The following RARB variants were observed in gnomAD, a reference collection of about 807,000 sequenced individuals.
RARB encodes retinoic acid receptor beta.
A neutral mutation model predicts 51.9 loss-of-function variants in RARB; 17 were observed. The observed-to-expected ratio is 0.33, with a 90% CI of 0.22 to 0.49. The LOEUF is 0.49. RARB is among the 20% of genes least tolerant of loss of function. RARB has a pLI of 0.99. For missense variants in RARB, 369 were observed against 550.8 expected, an observed-to-expected ratio of 0.67 and a Z score of 3.30; for synonymous variants, 215 against 195.4, an observed-to-expected ratio of 1.10 and a Z score of -0.84.
chr3:25,312,278 A>T (rs1704309272), intron 5 of RARB, among the ~76,000 whole-genome samples: 1 of 152,230 alleles, frequency 6.6e-6, no homozygotes, highest in African/African-American at 2.4e-5. Context: ...GTAGATTTTG[A>T]TAGCTTTCAA....
intron 5 of RARB, among the ~76,000 whole-genome samples, chr3:25,273,693 T>G (rs1361530284): frequency 4.6e-5 from 7 of 152,256 alleles, no homozygotes; most frequent in African/African-American, 1.7e-4. Context: ...AAACTGCTTA[T>G]GGTTTCATAT....
At chr3:24,911,747 G>A (rs1234351995) in intron 2 of RARB, among the ~76,000 whole-genome samples, 2 of 152,158 alleles carry the variant, frequency 1.3e-5, no homozygotes, top group Non-Finnish European at 2.9e-5. Context: ...GAGGCCAGGA[G>A]TTCAAGATCA....
intron 5 of RARB, among the ~76,000 whole-genome samples, chr3:25,378,184 G>T (rs12628995): frequency 7.2e-5 from 11 of 151,978 alleles, no homozygotes; most frequent in South Asian, 2.1e-4. Flanking sequence ...CACAAGACTC[G>T]GGCATGCATG....
chr3:24,876,555 G>A (rs1448272004), intron 2 of RARB, among the ~76,000 whole-genome samples: 1 of 152,010 alleles, frequency 6.6e-6, no homozygotes, highest in Non-Finnish European at 1.5e-5. Flanking sequence ...GAACATATTA[G>A]CATTTAATAT....
chr3:25,284,721 T>C (rs2125417773), intron 5 of RARB, among the ~76,000 whole-genome samples: 1 of 152,300 alleles, frequency 6.6e-6, no homozygotes, highest in African/African-American at 2.4e-5. Context: ...ACAATTGCAG[T>C]TGACTTTTTA....
At chr3:25,568,853 C>T (rs184467717) in intron 3 of RARB, among the ~76,000 whole-genome samples, 2 of 152,322 alleles carry the variant, frequency 1.3e-5, no homozygotes, top group East Asian at 3.9e-4. Flanking sequence ...TGTCTGCCTC[C>T]CTGGGTTTCA....
At chr3:25,350,106 C>T (rs1705515130) in intron 5 of RARB, among the ~76,000 whole-genome samples, 2 of 152,120 alleles carry the variant, frequency 1.3e-5, no homozygotes, top group Non-Finnish European at 2.9e-5. Context: ...ACCAGACTTT[C>T]TGTAGGCTTA....
At chr3:25,215,312 T>A (rs925371109) in intron 5 of RARB, among the ~76,000 whole-genome samples, 2 of 152,216 alleles carry the variant, frequency 1.3e-5, no homozygotes, top group Non-Finnish European at 2.9e-5. Flanking sequence ...GACTTTTTTT[T>A]AAGAAAGCAT....
At position 24,874,525 on chromosome 3, in the gene RARB, G is replaced by A. The variant is rs77116935; in HGVS notation, c.-380+15773G>A. ...ACGTACAGCTTGTTTTATCTTCCTG[G>A]TGAAGTAACTCTCAACATGTTGCTG... On this transcript the variant is annotated intron_variant, in intron 2 of 11. Coordinates refer to the RARB transcript ENST00000383772. Among the ~76,000 whole-genome samples the A allele has an allele frequency of 9.4e-3, 1,435 of 152,032 alleles. 82 individuals are homozygous for A. In the East Asian group the frequency reaches 0.16, roughly 17 times the overall value.
At chr3:25,582,758 T>C (rs1389349657) in intron 5 of RARB, among the ~76,000 whole-genome samples, 1 of 152,136 alleles carries the variant, frequency 6.6e-6, no homozygotes, top group Non-Finnish European at 1.5e-5. Flanking sequence ...CATTAGCCAT[T>C]AGCCCCTTGG....
intron 2 of RARB, among the ~76,000 whole-genome samples, chr3:25,498,140 G>A (rs1490011964): frequency 1.3e-5 from 2 of 152,120 alleles, no homozygotes; most frequent in East Asian, 3.9e-4. Context: ...CAGTTGGTCT[G>A]GTTTTCCAAG....
At chr3:25,198,557 A>G (rs1701303714) in intron 5 of RARB, among the ~76,000 whole-genome samples, 1 of 152,128 alleles carries the variant, frequency 6.6e-6, no homozygotes, top group South Asian at 2.1e-4. Context: ...AAACAACTCA[A>G]TAGGAAAAAC....
At chr3:25,104,000 C>A (rs551187495) in intron 3 of RARB, among the ~76,000 whole-genome samples, 2 of 152,320 alleles carry the variant, frequency 1.3e-5, no homozygotes, top group Admixed American at 6.5e-5. Flanking sequence ...AGTGTGGACA[C>A]TCACATCAGA....
chr3:25,594,453 G>A (rs1701734833), intron 6 of RARB, 67 bp from the exon 7 acceptor site: 1 of 1,463,608 alleles, frequency 6.8e-7, no homozygotes, highest in African/African-American at 1.4e-5. Flanking sequence ...TAGGAATAAG[G>A]AAACAAGGAA....
chr3:25,587,056 G>A (rs1701421183), intron 5 of RARB, among the ~76,000 whole-genome samples: 1 of 152,236 alleles, frequency 6.6e-6, no homozygotes, highest in Non-Finnish European at 1.5e-5. Flanking sequence ...CCATTTAGGA[G>A]CTGAGTGAAC....
intron 1 of RARB, among the ~76,000 whole-genome samples, chr3:25,455,711 GC>G (rs1008639093): frequency 9.2e-5 from 14 of 152,190 alleles, no homozygotes; most frequent in African/African-American, 3.4e-4. Flanking sequence ...ACAGAGCCAA[GC>G]ATCCATCTCA....
chr3:25,254,275 T>A (rs549751949), intron 5 of RARB, among the ~76,000 whole-genome samples: 1 of 152,324 alleles, frequency 6.6e-6, no homozygotes, highest in East Asian at 1.9e-4. Context: ...TTCCTGTCTT[T>A]ATTTACTTTC....
chr3:25,528,226 G>A (rs573063177), intron 3 of RARB, among the ~76,000 whole-genome samples: 22 of 152,140 alleles, frequency 1.4e-4, no homozygotes, highest in Non-Finnish European at 2.5e-4. Context: ...TGAAATGGTC[G>A]GTTAAACCCC....
In RARB at chr3:24,873,162, G is replaced by T. The variant is rs77426551; in HGVS notation, c.-380+14410G>T. 9.5e-3 allele frequency among the ~76,000 whole-genome samples: 1,449 copies of T among 152,248 alleles called. 80 individuals carry two copies. The East Asian group carries it at 0.16, about 17-fold the overall frequency. On this transcript the variant is annotated intron_variant, in intron 2 of 11. Coordinates refer to the RARB transcript ENST00000383772. ...CCATGCCCTGTGCTAATTGAAACCT[G>T]TTCTACATTTGATTTATTATGCTTA...
Sources: allele counts gnomAD v4.1 joint callset (sites outside exome capture counted in the v4.1 genomes callset), GRCh38; gene constraint gnomAD v4.1.1; transcripts MANE v1.5; gene names NCBI Gene and HGNC (gene_info 2026-07-23, HGNC 2026-07-21).